GLYATL2: variants seen among roughly 807,000 people sequenced by gnomAD.
The protein encoded by GLYATL2 is glycine N-acyltransferase-like protein 2.
A neutral mutation model predicts 21.4 loss-of-function variants in GLYATL2; 25 were observed. That is an observed-to-expected ratio of 1.17 (90% CI 0.85 to 1.63). GLYATL2 has a LOEUF of 1.63. Ranked by LOEUF, GLYATL2 falls within the 40% of genes most tolerant of loss-of-function variation. The pLI, the probability that GLYATL2 is intolerant of heterozygous loss-of-function variation, is 0.00. For missense variants in GLYATL2, 361 were observed against 343.3 expected, an observed-to-expected ratio of 1.05 and a Z score of -0.41; for synonymous variants, 114 against 118.2, an observed-to-expected ratio of 0.96 and a Z score of 0.23.
chr11:58,844,005 T>C (rs1472706031), intron 1 of GLYATL2, among the ~76,000 whole-genome samples: 1 of 152,174 alleles, frequency 6.6e-6, no homozygotes, highest in Non-Finnish European at 1.5e-5. Flanking sequence ...AGCATTGTTT[T>C]ATTCTAGCCA....
intron 1 of GLYATL2, among the ~76,000 whole-genome samples, chr11:58,886,971 T>G (rs1253236719): frequency 6.6e-6 from 1 of 152,236 alleles, no homozygotes; most frequent in Non-Finnish European, 1.5e-5. Context: ...GTTTGTTTGA[T>G]CTCCTGGCTT....
intron 1 of GLYATL2, among the ~76,000 whole-genome samples, chr11:58,865,338 A>C (rs993545173): frequency 1.3e-5 from 2 of 148,950 alleles, no homozygotes; most frequent in Non-Finnish European, 3.0e-5. Context: ...GAATCAATCA[A>C]ATTTTTCCTT....
rs865787066 is a variant in GLYATL2 at position 58,838,176 on chromosome 11, C to T, written c.186+85G>A. 45 of 849,332 alleles carry T rather than the reference C, an allele frequency of 5.3e-5. No homozygotes were observed. In the Middle Eastern group the frequency reaches 1.1e-3, roughly 22 times the overall value. 52.6% of individuals were successfully genotyped at this position (849,332 alleles called of 1,614,324 possible). A position where few individuals can be genotyped will look rare whatever the true frequency, so the allele number is the denominator to read the frequency against. On this transcript the variant is annotated intron_variant, in intron 3 of 5. Transcript: ENST00000287275. ...TCAACAGTGTCAATGTTCTTCTCAC[C>T]ACTCCTCAGTTTCAGTTCCCTCATT...
chr11:58,871,259 G>T (rs1327866903), intron 1 of GLYATL2, among the ~76,000 whole-genome samples: 5 of 151,786 alleles, frequency 3.3e-5, no homozygotes, highest in African/African-American at 9.7e-5. Context: ...GAGGTAGAAT[G>T]ATTTTATTTT....
chr11:58,909,208 A>G (rs549698612), upstream of GLYATL2, among the ~76,000 whole-genome samples: 1 of 152,320 alleles, frequency 6.6e-6, no homozygotes, highest in African/African-American at 2.4e-5. Context: ...TGTCAAACTC[A>G]TAGATGTAGA....
chr11:58,893,646 A>T (rs1854585132), intron 1 of GLYATL2, among the ~76,000 whole-genome samples: 1 of 152,176 alleles, frequency 6.6e-6, no homozygotes, highest in Non-Finnish European at 1.5e-5. Context: ...TCCAGGCTGG[A>T]GGTGGGAAGC....
chr11:58,839,475 G>A (rs1853504372), intron 2 of GLYATL2, 60 bp downstream of exon 2: 1 of 1,023,970 alleles, frequency 9.8e-7, no homozygotes, highest in South Asian at 1.5e-5. Flanking sequence ...TATGAATCCT[G>A]AATCTGTCCT....
upstream of GLYATL2, chr11:58,905,627 G>A (rs540189055): frequency 5.3e-4 from 242 of 456,298 alleles, 1 homozygote; most frequent in Non-Finnish European, 8.8e-4. Context: ...CGATGAGCAG[G>A]AAGAAGCAGG....
At chr11:58,873,270 C>A (rs190647943) in intron 1 of GLYATL2, among the ~76,000 whole-genome samples, 1 of 151,420 alleles carries the variant, frequency 6.6e-6, no homozygotes, top group Non-Finnish European at 1.5e-5. Flanking sequence ...AATTGAATAC[C>A]CTTTATTTCC....
At chr11:58,871,637 T>TATTCCATG in intron 1 of GLYATL2, among the ~76,000 whole-genome samples, 1 of 152,182 alleles carries the variant, frequency 6.6e-6, no homozygotes, top group Non-Finnish European at 1.5e-5. Context: ...GGCTGCATAG[T>TATTCCATG]ATTCCATGGT....
At chr11:58,857,516 C>T (rs1853850666) in intron 1 of GLYATL2, among the ~76,000 whole-genome samples, 1 of 152,100 alleles carries the variant, frequency 6.6e-6, no homozygotes. Context: ...GGCTGAGCTG[C>T]CCCATGCTTG....
At chr11:58,855,156 G>T (rs1853806827) in intron 1 of GLYATL2, among the ~76,000 whole-genome samples, 1 of 152,164 alleles carries the variant, frequency 6.6e-6, no homozygotes, top group Non-Finnish European at 1.5e-5. Context: ...ATCCTTCCAA[G>T]AGATTTTCAA....
chr11:58,883,753 A>T (rs766811510), intron 1 of GLYATL2, among the ~76,000 whole-genome samples: 1 of 152,214 alleles, frequency 6.6e-6, no homozygotes, highest in Admixed American at 6.5e-5. Flanking sequence ...AGCCTGGCAG[A>T]GACACAACAA....
intron 1 of GLYATL2, among the ~76,000 whole-genome samples, chr11:58,884,149 T>A (rs1026977901): frequency 1.3e-5 from 2 of 152,192 alleles, no homozygotes; most frequent in African/African-American, 4.8e-5. Flanking sequence ...CTTTGAAAAC[T>A]GGCACAAGAC....
intron 1 of GLYATL2, among the ~76,000 whole-genome samples, chr11:58,843,918 G>A (rs1401363941): frequency 1.3e-5 from 2 of 152,146 alleles, no homozygotes; most frequent in Non-Finnish European, 2.9e-5. Context: ...GCAGAAGTTT[G>A]TTGGAGAGAA....
upstream of GLYATL2, among the ~76,000 whole-genome samples, chr11:58,904,604 G>A (rs544998711): frequency 1.1e-3 from 160 of 152,328 alleles, 1 homozygote; most frequent in Middle Eastern, 0.02. Context: ...CATGTGCACT[G>A]CTTTCAGATG....
At chr11:58,847,811 T>C (rs1445218585), upstream of GLYATL2, among the ~76,000 whole-genome samples, 1 of 152,084 alleles carries the variant, frequency 6.6e-6, no homozygotes, top group Non-Finnish European at 1.5e-5. Flanking sequence ...TACCTTCTGA[T>C]TGTAGAGTTC....
intron 1 of GLYATL2, among the ~76,000 whole-genome samples, chr11:58,888,608 G>A (rs1424892131): frequency 2.6e-5 from 4 of 151,578 alleles, no homozygotes; most frequent in Non-Finnish European, 5.9e-5. Context: ...CATATAACAT[G>A]TTTATATATT....
chr11:58,878,271 C>A, intron 1 of GLYATL2: 1 of 427,998 alleles, frequency 2.3e-6, no homozygotes, highest in Non-Finnish European at 4.2e-6. Context: ...GTGCCAGAAG[C>A]AGGATCTGAA....
Sources: gnomAD v4.1 joint callset for allele counts (sites outside exome capture counted in the v4.1 genomes callset) on GRCh38, gnomAD v4.1.1 for gene constraint, MANE v1.5 for transcripts, NCBI Gene and HGNC (gene_info 2026-07-23, HGNC 2026-07-21) for gene names.